The following METTL25 variants were observed in gnomAD, a reference collection of about 807,000 sequenced individuals.
METTL25 encodes the protein methyltransferase like 25, also known as probable methyltransferase-like protein 25.
METTL25 carries 64 observed loss-of-function variants against 71.6 expected under a neutral mutation model. The ratio of observed to expected loss-of-function variants is 0.89; its 90% CI spans 0.73 to 1.10. The LOEUF (loss-of-function observed/expected upper bound fraction) is 1.10. METTL25 is among the 50% of genes least tolerant of loss of function. The probability of loss-of-function intolerance (pLI) is 0.00; values close to 1 mark genes in which losing one functional copy is unlikely to be tolerated. For missense variants in METTL25, 807 were observed against 707.0 expected, an observed-to-expected ratio of 1.14 and a Z score of -1.60; for synonymous variants, 287 against 250.3, an observed-to-expected ratio of 1.15 and a Z score of -1.38.
At chr12:82,459,489 T>C (rs1891716266) in intron 9 of METTL25, among the ~76,000 whole-genome samples, 1 of 152,080 alleles carries the variant, frequency 6.6e-6, no homozygotes, top group Admixed American at 6.6e-5. Context: ...TTAGATAGTG[T>C]GGTGATATGC....
intron 8 of METTL25, among the ~76,000 whole-genome samples, chr12:82,453,535 G>T (rs1891288726): frequency 6.6e-6 from 1 of 152,098 alleles, no homozygotes; most frequent in African/African-American, 2.4e-5. Flanking sequence ...TACCACATGG[G>T]GTGGTTGTGT....
intron 9 of METTL25, among the ~76,000 whole-genome samples, chr12:82,461,247 A>C (rs1891857064): frequency 6.6e-6 from 1 of 152,242 alleles, no homozygotes; most frequent in South Asian, 2.1e-4. Context: ...TCTATAATAC[A>C]AAACTGTTAT....
intron 1 of METTL25, among the ~76,000 whole-genome samples, chr12:82,379,907 T>A (rs1281487777): frequency 3.3e-5 from 5 of 152,196 alleles, no homozygotes; most frequent in African/African-American, 1.2e-4. Flanking sequence ...CCAAATCTCC[T>A]TTCTCCCAGC....
intron 2 of METTL25, among the ~76,000 whole-genome samples, chr12:82,389,432 T>C (rs561764438): frequency 3.9e-5 from 6 of 152,110 alleles, no homozygotes; most frequent in Non-Finnish European, 8.8e-5. Flanking sequence ...TGTATTGATT[T>C]ATAGGAGTTT....
At chr12:82,437,046 G>T (rs1003739525) in intron 7 of METTL25, among the ~76,000 whole-genome samples, 5 of 151,596 alleles carry the variant, frequency 3.3e-5, no homozygotes, top group African/African-American at 9.7e-5. Flanking sequence ...TGATAAAGTA[G>T]AGATTTTGGT....
At chr12:82,469,551 A>G (rs1301249089) in intron 9 of METTL25, among the ~76,000 whole-genome samples, 4 of 151,918 alleles carry the variant, frequency 2.6e-5, no homozygotes, top group African/African-American at 4.8e-5. Context: ...CCATGATTCA[A>G]TTACCTCCCA....
chr12:82,424,633 G>C (rs1287736214), intron 5 of METTL25, among the ~76,000 whole-genome samples: 1 of 151,890 alleles, frequency 6.6e-6, no homozygotes, highest in Non-Finnish European at 1.5e-5. Flanking sequence ...TATAGGAATG[G>C]TAATGGGTTG....
intron 9 of METTL25, among the ~76,000 whole-genome samples, chr12:82,475,799 T>C (rs1421627786): frequency 1.3e-5 from 2 of 152,188 alleles, no homozygotes; most frequent in Non-Finnish European, 2.9e-5. Context: ...TCTGAAATGC[T>C]TGGGACAGAA....
intron 3 of METTL25, among the ~76,000 whole-genome samples, chr12:82,397,277 A>G (rs1886164589): frequency 6.6e-6 from 1 of 152,034 alleles, no homozygotes; most frequent in African/African-American, 2.4e-5. Context: ...CAGTGTGTAT[A>G]TCTTATTTTG....
At chr12:82,461,242 A>G (rs1891856783) in intron 9 of METTL25, among the ~76,000 whole-genome samples, 1 of 152,238 alleles carries the variant, frequency 6.6e-6, no homozygotes, top group South Asian at 2.1e-4. Flanking sequence ...AAATTTCTAT[A>G]ATACAAAACT....
At chr12:82,424,178 C>G (rs1377677646) in intron 5 of METTL25, among the ~76,000 whole-genome samples, 1 of 152,128 alleles carries the variant, frequency 6.6e-6, no homozygotes, top group Non-Finnish European at 1.5e-5. Flanking sequence ...AAATGTGGCA[C>G]ATACACACCA....
At chr12:82,417,061 A>C (rs986814232) in intron 5 of METTL25, among the ~76,000 whole-genome samples, 1 of 152,164 alleles carries the variant, frequency 6.6e-6, no homozygotes, top group Non-Finnish European at 1.5e-5. Context: ...GTGTCAATCT[A>C]CATGGCAATT....
chr12:82,360,838 C>T (rs953086576), intron 1 of METTL25, among the ~76,000 whole-genome samples: 1 of 152,074 alleles, frequency 6.6e-6, no homozygotes, highest in Non-Finnish European at 1.5e-5. Context: ...TTCTTAAAGG[C>T]GGCGTGTCCA....
At chr12:82,442,669 G>A (rs574574724) in intron 8 of METTL25, among the ~76,000 whole-genome samples, 8 of 152,186 alleles carry the variant, frequency 5.3e-5, no homozygotes, top group South Asian at 2.1e-4. Flanking sequence ...CTGCATCCAC[G>A]TCAGTATCCT....
chr12:82,400,225 G>C lies in METTL25; in HGVS notation c.1131+831G>C, dbSNP rs564651997. Among the ~76,000 whole-genome samples the C allele has an allele frequency of 3.3e-5, 5 of 151,854 alleles. No individual in the cohort carries two copies. In the South Asian group the frequency reaches 1.0e-3, roughly 32 times the overall value. On this transcript the variant is annotated intron_variant, in intron 4 of 11. Transcript: ENST00000248306. ...CAGGTGCCTATAGTCCCAGCTACTC[G>C]GGAGGCTGAGGCAGGAGAATGGCAT...
At chr12:82,359,595 A>G (rs1049899676) in intron 1 of METTL25, among the ~76,000 whole-genome samples, 6 of 152,252 alleles carry the variant, frequency 3.9e-5, no homozygotes, top group South Asian at 2.1e-4. Context: ...TCAGTAGTAC[A>G]ACAGATGATT....
chr12:82,413,397 G>T (rs185408665), intron 5 of METTL25, among the ~76,000 whole-genome samples: 22 of 151,952 alleles, frequency 1.4e-4, no homozygotes, highest in Non-Finnish European at 2.4e-4. Flanking sequence ...ATAATAAATA[G>T]GTTTTGTTAC....
intron 9 of METTL25, chr12:82,468,869 G>A (rs1892402435): frequency 6.6e-6 from 1 of 152,102 alleles, no homozygotes; most frequent in Non-Finnish European, 1.5e-5. Context: ...GTCATCTGGA[G>A]TCTCTAACCT....
intron 6 of METTL25, among the ~76,000 whole-genome samples, chr12:82,431,733 T>C (rs1426811115): frequency 6.6e-6 from 1 of 151,620 alleles, no homozygotes; most frequent in Non-Finnish European, 1.5e-5. Flanking sequence ...TATGTCCCAA[T>C]AAACCCTTCA....
Sources: gnomAD v4.1 joint callset for allele counts (sites outside exome capture counted in the v4.1 genomes callset) on GRCh38, gnomAD v4.1.1 for gene constraint, MANE v1.5 for transcripts, NCBI Gene and HGNC (gene_info 2026-07-23, HGNC 2026-07-21) for gene names.